UBR4: variants seen among roughly 807,000 people sequenced by gnomAD.
UBR4 encodes ubiquitin protein ligase E3 component n-recognin 4.
In UBR4, 124 loss-of-function variants were observed where a neutral mutation model predicts 575.6. The observed-to-expected ratio is 0.22, with a 90% confidence interval of 0.19 to 0.25. UBR4 has a LOEUF of 0.25. Among genes scored for constraint, UBR4 ranks in the 10% least tolerant of loss-of-function variants. The pLI is 1.00. For synonymous variants in UBR4, 2,455 were observed against 2,473.7 expected (o/e 0.99, Z 0.22); for missense variants, 4,818 against 6,478.8 (o/e 0.74, Z 8.80).
At chr1:19,209,642 C>G (rs2093206802) in intron 1 of UBR4, among the ~76,000 whole-genome samples, 1 of 152,220 alleles carries the variant, frequency 6.6e-6, no homozygotes, top group African/African-American at 2.4e-5. Context: ...GCACGTGCCC[C>G]CACTGATTAC....
intron 9 of UBR4, among the ~76,000 whole-genome samples, 162 bp from the exon 10 acceptor site, chr1:19,192,702 C>T (rs1282292606): frequency 6.6e-6 from 1 of 152,166 alleles, no homozygotes. Context: ...CTGACTCCCT[C>T]TTTTCATTTG....
intron 11 of UBR4, 101 bp downstream of exon 11, chr1:19,192,087 G>A (rs1258267481): frequency 1.7e-5 from 23 of 1,374,484 alleles, no homozygotes; most frequent in Non-Finnish European, 2.3e-5. Flanking sequence ...CAGGTAGGAA[G>A]GCAAATTTTC....
Position 19,127,744 on chromosome 1 carries a change from A to G in UBR4, c.9112-5T>C. On this transcript the variant is annotated splice_polypyrimidine_tract_variant and splice_region_variant and intron_variant, in intron 62 of 105. Coordinates refer to ENST00000375254, the MANE Select transcript of UBR4 (RefSeq NM_020765.3). ...CTCATTCTTCTTGGAGACATCCTGC[A>G]GGCCAAAGCGTAAGTCCAGAAACCT... 4 of 1,613,126 alleles carry G rather than the reference A, an allele frequency of 2.5e-6. No individual in the cohort carries two copies. Among genetic ancestry groups the G allele is most frequent in the Non-Finnish European group, 3.4e-6 (4 of 1,179,108 alleles).
At position 19,100,638 on chromosome 1, in the gene UBR4, C is replaced by T. The variant is rs114522389; in HGVS notation, c.13024-65G>A. The stretch of plus-strand genomic sequence containing the variant: ...GAGGTGGAGATTTATACCATGCTAC[C>T]TTGTTCCATGGACACTCGAGGAAAA... On this transcript the variant is annotated intron_variant, in intron 88 of 105. Coordinates refer to ENST00000375254, the MANE Select transcript of UBR4 (RefSeq NM_020765.3). The surrounding 1 kb of genome is among the most constrained non-coding windows in gnomAD (Gnocchi z 4.2). 11,506 of 1,506,344 alleles carry T rather than the reference C, an allele frequency of 7.6e-3. 64 individuals carry two copies. The highest frequency in any genetic ancestry group is 9.1e-3 in the Non-Finnish European group (9,882 of 1,086,620). The allele number at this position is 1,506,344 out of a possible 1,614,324, so 93.3% of individuals were successfully genotyped here. A position where few individuals can be genotyped will look rare whatever the true frequency, so the allele number is the denominator to read the frequency against.
Position 19,114,817 on chromosome 1 carries a change from C to G in UBR4, c.11196G>C (p.Arg3732=). 6.2e-7 allele frequency: 1 copy of G among 1,614,136 alleles called. No individual in the cohort carries two copies. The highest frequency in any genetic ancestry group is 8.5e-7 in the Non-Finnish European group (1 of 1,180,010). The change falls in exon 75 of 106, where the codon CGG becomes CGC. Residue 3732 remains arginine (R), a synonymous_variant. Transcript: ENST00000375254. ...AGGCCAGATCTGGCCTCACCTTCTT[C>G]CGGTCTTCTTCATTCTCAATGGGAT... ...AVDPIENEED[R]KKAVSNINTL... is the part of the protein sequence containing the mutation.
intron 63 of UBR4, among the ~76,000 whole-genome samples, chr1:19,127,004 CAAG>C (rs2081881489): frequency 1.3e-5 from 2 of 152,294 alleles, no homozygotes; most frequent in East Asian, 1.9e-4. Flanking sequence ...AAGCCCAATT[CAAG>C]AAGGAGAGAG....
intron 2 of UBR4, among the ~76,000 whole-genome samples, chr1:19,200,961 T>C (rs768708939): frequency 1.3e-5 from 2 of 152,060 alleles, no homozygotes; most frequent in Admixed American, 6.6e-5. Flanking sequence ...CTGGGCAACA[T>C]AGAGAGACCC....
Position 19,122,899 on chromosome 1 carries a change from G to A in UBR4, c.9750C>T (p.Phe3250=). The change falls in exon 66 of 106, where the codon TTC becomes TTT. Residue 3250 remains phenylalanine, a synonymous_variant. Transcript: ENST00000375254. The part of the protein sequence containing the change: ...IKKLLEEQGI[F]LRASVVTASS... ...TGGCTGTAACCACACTTGCCCGGAG[G>A]AATATCCCCTGCTCTTCTAGCAGCT... 1.2e-6 allele frequency: 2 copies of A among 1,614,228 alleles called. No homozygotes were observed. Among genetic ancestry groups the A allele is most frequent in the Non-Finnish European group, 1.7e-6 (2 of 1,180,032 alleles).
intron 73 of UBR4, among the ~76,000 whole-genome samples, chr1:19,116,686 G>A (rs1028889925): frequency 1.3e-5 from 2 of 152,192 alleles, no homozygotes; most frequent in African/African-American, 2.4e-5. Flanking sequence ...GCCTCTCTTG[G>A]CCTAAATATG....
In UBR4 at chr1:19,097,242, C is replaced by A; in HGVS notation, c.13341G>T (p.Leu4447=). 6.2e-7 allele frequency: 1 copy of A among 1,613,638 alleles called. No homozygotes were observed. The highest frequency in any genetic ancestry group is 8.5e-7 in the Non-Finnish European group (1 of 1,179,770). The part of the protein sequence containing the change: ...PMRIVYRMRG[L]LGDATEEFIE... ...TGAACTCCTCTGTGGCATCGCCCAG[C>A]AGCCCCCGCATACGATAAACAATCC... The change falls in exon 91 of 106, where the codon CTG becomes CTT. Residue 4447 remains leucine (L), a synonymous_variant. Coordinates refer to ENST00000375254, the MANE Select transcript of UBR4 (RefSeq NM_020765.3).
intron 97 of UBR4, among the ~76,000 whole-genome samples, chr1:19,091,024 A>G (rs2077457931): frequency 6.6e-6 from 1 of 151,502 alleles, no homozygotes; most frequent in African/African-American, 2.4e-5. Context: ...TGAACCCGGG[A>G]GGCAGAGGTT....
In UBR4 at chr1:19,161,878, T is replaced by C. The variant is rs758092156; in HGVS notation, c.4976A>G (p.Asn1659Ser). 3 of 1,614,228 alleles carry C rather than the reference T, an allele frequency of 1.9e-6. No homozygotes were observed. The South Asian group carries it at 3.3e-5, about 18-fold the overall frequency. The change falls in exon 36 of 106, where the codon AAT becomes AGT. Residue 1659 changes from asparagine to serine, a missense_variant. This residue lies in a region of UBR4 where 18 missense variants were observed against 37.3 expected (regional missense o/e 0.48). Transcript: ENST00000375254. ...TGTGATCGTAAAAGTGCAGAGTTTA[T>C]TGCAAAGAGAATCTTCATCCTTCAA... Reference protein sequence around the residue: ...AEDSDEDSLCNKLCTFTITQK... With the variant: ...AEDSDEDSLCSKLCTFTITQK...
intron 55 of UBR4, among the ~76,000 whole-genome samples, chr1:19,142,570 G>C (rs1464312943): frequency 6.6e-6 from 1 of 152,202 alleles, no homozygotes; most frequent in Non-Finnish European, 1.5e-5. Flanking sequence ...AAGTCACAAA[G>C]TTGTGTACAA....
chr1:19,086,869 G>T lies in UBR4; in HGVS notation c.14545-48C>A, dbSNP rs750482699. ...AGAGGGGAGGAGAAACTCCAAGTCA[G>T]GCTCAGGAGAAGCAGAATAGAGGGG... On this transcript the variant is annotated intron_variant, in intron 99 of 105. Coordinates refer to ENST00000375254, the MANE Select transcript of UBR4 (RefSeq NM_020765.3). The T allele has an allele frequency of 9.6e-5, 154 of 1,605,302 alleles. No individual in the cohort carries two copies. The South Asian group carries it at 1.6e-3, about 17-fold the overall frequency.
intron 49 of UBR4, 35 bp from the exon 50 acceptor site, chr1:19,148,661 C>G (rs958081519): frequency 6.2e-7 from 1 of 1,612,194 alleles, no homozygotes; most frequent in South Asian, 1.1e-5. Flanking sequence ...GAGTACAACA[C>G]CGTTCTCTCC....
Position 19,153,152 on chromosome 1 carries a change from T to A in UBR4, c.6832+149A>T. The A allele has an allele frequency of 1.0e-6, 1 of 994,400 alleles. No individual in the cohort carries two copies. Among genetic ancestry groups the A allele is most frequent in the Non-Finnish European group, 1.5e-6 (1 of 682,894 alleles). 61.6% of individuals were successfully genotyped at this position (994,400 alleles called of 1,614,324 possible). The stretch of plus-strand genomic sequence containing the variant: ...AATGGGTGCTTGACATTTGGAAACA[T>A]AACTCTGCTTTTGGGAAATTAACTT... On this transcript the variant is annotated intron_variant, in intron 46 of 105. Transcript: ENST00000375254. The surrounding 1 kb of genome is among the most constrained non-coding windows in gnomAD (Gnocchi z 4.1).
chr1:19,199,991 C>T (rs1423859412), intron 2 of UBR4, among the ~76,000 whole-genome samples: 1 of 152,224 alleles, frequency 6.6e-6, no homozygotes, highest in East Asian at 1.9e-4. Context: ...CACACCAGTG[C>T]CAAGCACTTC....
rs1180986697 is a variant in UBR4, at chr1:19,101,587, C to T, written c.12956G>A (p.Arg4319His). Residue 4319 changes from arginine to histidine, a missense_variant, in exon 88 of 106, where the codon CGC becomes CAC. This residue lies in a region of UBR4 where 105 missense variants were observed against 232.8 expected (regional missense o/e 0.45). Coordinates refer to ENST00000375254, the MANE Select transcript of UBR4 (RefSeq NM_020765.3). ...GGTCCGGTAGTCATCCAGATTGTAG[C>T]GCTTGGCTGTCTCAATGCACACAGC... ...FMAVCIETAKRYNLDDYRTPV... is the reference protein window; with the variant it reads ...FMAVCIETAKHYNLDDYRTPV... The T allele has an allele frequency of 1.9e-6, 3 of 1,613,792 alleles. No individual in the cohort carries two copies. Among genetic ancestry groups the T allele is most frequent in the Non-Finnish European group, 2.5e-6 (3 of 1,179,792 alleles).
At chr1:19,095,164 G>A (rs2148920698) in intron 93 of UBR4, 139 bp from the exon 94 acceptor site, 1 of 1,275,718 alleles carries the variant, frequency 7.8e-7, no homozygotes, top group South Asian at 1.4e-5. Context: ...GTATGTGCGT[G>A]TATATGCATG....
Sources: gnomAD v4.1 joint callset for allele counts (sites outside exome capture counted in the v4.1 genomes callset) on GRCh38, gnomAD v4.1.1 for gene constraint, gnomAD v4.1.1 regional missense constraint, Gnocchi (gnomAD v3.1) non-coding constraint, MANE v1.5 for transcripts, NCBI Gene and HGNC (gene_info 2026-07-23, HGNC 2026-07-21) for gene names.